NEK7: variants seen among roughly 807,000 people sequenced by gnomAD.
The protein encoded by NEK7 is NIMA related kinase 7, also known as serine/threonine-protein kinase Nek7.
Under a neutral mutation model 44.6 loss-of-function variants are expected in NEK7, and 18 were observed. The ratio of observed to expected loss-of-function variants is 0.40; its 90% CI spans 0.28 to 0.60. The LOEUF (loss-of-function observed/expected upper bound fraction) is 0.60. Ranked by LOEUF, NEK7 falls within the 20% of genes least tolerant of loss-of-function variation. The pLI is 0.38. For synonymous variants in NEK7, 130 were observed against 121.1 expected (o/e 1.07, Z -0.48); for missense variants, 256 against 366.5 (o/e 0.70, Z 2.46).
chr1:198,208,260 T>G (rs1346692489), intron 1 of NEK7, among the ~76,000 whole-genome samples: 1 of 152,258 alleles, frequency 6.6e-6, no homozygotes, highest in Non-Finnish European at 1.5e-5. Context: ...ACAAATAATC[T>G]GGAGCGTAAG....
At chr1:198,220,681 T>C (rs958175942) in intron 1 of NEK7, 8 of 152,058 alleles carry the variant, frequency 5.3e-5, no homozygotes, top group African/African-American at 1.9e-4. Context: ...GAATGGTGAC[T>C]TGGGGCCAAG....
At chr1:198,222,655 A>T (rs72751036) in intron 1 of NEK7, among the ~76,000 whole-genome samples, 26,734 of 152,024 alleles carry the variant, frequency 0.18, 3,414 homozygotes, top group African/African-American at 0.33. Context: ...TCGATCCTCT[A>T]TTCTCCATTT....
intron 1 of NEK7, among the ~76,000 whole-genome samples, chr1:198,221,544 C>G (rs1030202769): frequency 6.6e-6 from 1 of 151,376 alleles, no homozygotes; most frequent in Admixed American, 6.6e-5. Context: ...ATTAAAAAAA[C>G]TTTTATATTA....
At chr1:198,289,096 A>G (rs1654465641) in intron 7 of NEK7, among the ~76,000 whole-genome samples, 1 of 151,716 alleles carries the variant, frequency 6.6e-6, no homozygotes, top group Non-Finnish European at 1.5e-5. Flanking sequence ...ATGAGTATGA[A>G]GGAAAGAATG....
intron 1 of NEK7, chr1:198,198,106 G>C: frequency 7.7e-7 from 1 of 1,306,206 alleles, no homozygotes; most frequent in Non-Finnish European, 1.1e-6. Flanking sequence ...GTGGTGGGTG[G>C]GCAGGATTGG....
At chr1:198,274,463 A>G (rs1223230061) in intron 5 of NEK7, among the ~76,000 whole-genome samples, 1 of 151,710 alleles carries the variant, frequency 6.6e-6, no homozygotes, top group Non-Finnish European at 1.5e-5. Context: ...ATAGTTCCAG[A>G]TATTTTGCCT....
chr1:198,181,039 T>G (rs1433133327), intron 1 of NEK7, among the ~76,000 whole-genome samples: 1 of 152,078 alleles, frequency 6.6e-6, no homozygotes, highest in African/African-American at 2.4e-5. Flanking sequence ...AGTTTTCCTA[T>G]TAACTTTAAA....
chr1:198,200,548 CTTTCTT>C (rs1665398104), intron 1 of NEK7, among the ~76,000 whole-genome samples: 1 of 147,186 alleles, frequency 6.8e-6, no homozygotes, highest in African/African-American at 2.5e-5. Context: ...TCTTTTCTTT[CTTTCTT>C]TTTTTTTTTT....
intron 9 of NEK7, among the ~76,000 whole-genome samples, chr1:198,313,638 G>A (rs1227458041): frequency 4.4e-5 from 6 of 137,116 alleles, no homozygotes; most frequent in East Asian, 2.3e-4. Flanking sequence ...AGGCCTGGTG[G>A]TGACAAAATC....
At chr1:198,267,913 A>G (rs1027962427) in intron 5 of NEK7, among the ~76,000 whole-genome samples, 22 of 152,038 alleles carry the variant, frequency 1.4e-4, no homozygotes, top group African/African-American at 4.6e-4. Flanking sequence ...TGGCTCTTCA[A>G]TGACCTCTCT....
chr1:198,250,382 T>G (rs1477421553), intron 2 of NEK7, among the ~76,000 whole-genome samples: 2 of 152,196 alleles, frequency 1.3e-5, no homozygotes, highest in Non-Finnish European at 2.9e-5. Flanking sequence ...TGGTTCCATA[T>G]GAACTTTAAA....
intron 1 of NEK7, among the ~76,000 whole-genome samples, chr1:198,189,798 A>G (rs1017848716): frequency 3.9e-5 from 6 of 152,172 alleles, no homozygotes; most frequent in Non-Finnish European, 7.4e-5. Context: ...TTAAAAACCT[A>G]TAAATTGTAA....
rs1653529074 is a variant in NEK7, at chr1:198,263,017, T to A, written c.261+380T>A. ...TATTGAGAATGTGGACTAATCAAAA[T>A]GGTTCACATGCATTTTCTAATGTTT... On this transcript the variant is annotated intron_variant, in intron 4 of 9. Transcript: ENST00000367385. Among the ~76,000 whole-genome samples the A allele has an allele frequency of 2.0e-5, 3 of 151,872 alleles. No individual in the cohort carries two copies. The South Asian group carries it at 6.2e-4, about 31-fold the overall frequency.
intron 9 of NEK7, among the ~76,000 whole-genome samples, chr1:198,309,664 A>G (rs560887520): frequency 4.0e-5 from 6 of 151,340 alleles, no homozygotes; most frequent in South Asian, 2.1e-4. Context: ...TCATTGTTCA[A>G]TTCCCACCTA....
At chr1:198,266,592 G>A (rs1401259852) in intron 5 of NEK7, among the ~76,000 whole-genome samples, 2 of 151,962 alleles carry the variant, frequency 1.3e-5, no homozygotes, top group Non-Finnish European at 2.9e-5. Context: ...AATTCAGATG[G>A]CAATTAAAGG....
chr1:198,183,451 A>G (rs1022449632), intron 1 of NEK7, among the ~76,000 whole-genome samples: 8 of 152,322 alleles, frequency 5.3e-5, no homozygotes, highest in African/African-American at 1.7e-4. Context: ...AGAATGATAC[A>G]GTGAAAGATA....
intron 1 of NEK7, among the ~76,000 whole-genome samples, chr1:198,228,726 G>A (rs534376740): frequency 6.6e-6 from 1 of 152,154 alleles, no homozygotes; most frequent in Non-Finnish European, 1.5e-5. Flanking sequence ...TTTGTATCCT[G>A]AGACTTTGCT....
At chr1:198,159,068 G>A (rs1664010904) in intron 1 of NEK7, among the ~76,000 whole-genome samples, 1 of 152,210 alleles carries the variant, frequency 6.6e-6, no homozygotes. Flanking sequence ...AAGGAGCCCG[G>A]GAGCCCGGAG....
At chr1:198,175,323 T>G (rs1664574599) in intron 1 of NEK7, among the ~76,000 whole-genome samples, 1 of 152,198 alleles carries the variant, frequency 6.6e-6, no homozygotes, top group Admixed American at 6.5e-5. Context: ...TTGTGTGTGA[T>G]TTTTCTGTTA....
Sources: gnomAD v4.1 joint callset for allele counts (sites outside exome capture counted in the v4.1 genomes callset) on GRCh38, gnomAD v4.1.1 for gene constraint, MANE v1.5 for transcripts, NCBI Gene and HGNC (gene_info 2026-07-23, HGNC 2026-07-21) for gene names.